The following SLC7A14 variants were observed in gnomAD, a reference collection of about 807,000 sequenced individuals.
SLC7A14 encodes gamma-aminobutyric acid transporter SLC7A14.
SLC7A14 carries 37 observed loss-of-function variants against 60.2 expected under a neutral mutation model. The observed-to-expected ratio is 0.61, with a 90% CI of 0.47 to 0.81. The LOEUF (loss-of-function observed/expected upper bound fraction) is 0.81, where lower values mean the gene tolerates loss of function less well. Ranked by LOEUF, SLC7A14 falls within the 30% of genes least tolerant of loss-of-function variation. SLC7A14 has a pLI of 0.00. For missense variants in SLC7A14, 886 were observed against 982.7 expected, an observed-to-expected ratio of 0.90 and a Z score of 1.32; for synonymous variants, 399 against 395.8, an observed-to-expected ratio of 1.01 and a Z score of -0.10.
At chr3:170,582,454 A>G (rs1715263203) in intron 1 of SLC7A14, among the ~76,000 whole-genome samples, 1 of 152,202 alleles carries the variant, frequency 6.6e-6, no homozygotes, top group African/African-American at 2.4e-5. Flanking sequence ...ATTAAAATTT[A>G]ATTATAAATA....
chr3:170,519,201 T>C (rs1417239355), intron 2 of SLC7A14, among the ~76,000 whole-genome samples: 2 of 152,174 alleles, frequency 1.3e-5, no homozygotes, highest in African/African-American at 4.8e-5. Context: ...GATCTTCCCA[T>C]CGTAAATTGG....
chr3:170,505,647 A>T (rs1712756939), intron 2 of SLC7A14, among the ~76,000 whole-genome samples: 1 of 152,150 alleles, frequency 6.6e-6, no homozygotes, highest in Non-Finnish European at 1.5e-5. Flanking sequence ...GAACTTTGGG[A>T]GGGCGAGGCG....
intron 1 of SLC7A14, among the ~76,000 whole-genome samples, chr3:170,543,518 G>A (rs945158184): frequency 2.6e-5 from 4 of 151,570 alleles, no homozygotes; most frequent in Non-Finnish European, 5.9e-5. Flanking sequence ...GAGTGGTGGC[G>A]CATGCTTGTA....
At chr3:170,515,776 T>C (rs1036781218) in intron 2 of SLC7A14, among the ~76,000 whole-genome samples, 3 of 152,214 alleles carry the variant, frequency 2.0e-5, no homozygotes, top group Non-Finnish European at 4.4e-5. Flanking sequence ...GTGAATGACT[T>C]GCCTGAGGGC....
chr3:170,561,410 T>G (rs1714645253), intron 1 of SLC7A14, among the ~76,000 whole-genome samples: 1 of 152,214 alleles, frequency 6.6e-6, no homozygotes, highest in Admixed American at 6.5e-5. Flanking sequence ...TAGGTCCTAC[T>G]GGGGTGTCAT....
chr3:170,553,289 C>T lies in SLC7A14; in HGVS notation c.-152-26201G>A, dbSNP rs535967277. ...TGAATCTTCAGTATTGCCATATGTT[C>T]TTACACCTTAGGAAACTAACTGTTC... On this transcript the variant is annotated intron_variant, in intron 1 of 7. Transcript: ENST00000231706. 3.9e-5 allele frequency among the ~76,000 whole-genome samples: 6 copies of T among 152,270 alleles called. No individual in the cohort carries two copies. The South Asian group carries it at 1.2e-3, about 32-fold the overall frequency.
intron 2 of SLC7A14, among the ~76,000 whole-genome samples, chr3:170,522,723 C>A (rs1713372081): frequency 6.6e-6 from 1 of 152,072 alleles, no homozygotes; most frequent in Admixed American, 6.6e-5. Context: ...TGTGGTGAAG[C>A]TTACACGATT....
At chr3:170,526,134 G>C (rs2108293350) in intron 2 of SLC7A14, among the ~76,000 whole-genome samples, 1 of 151,408 alleles carries the variant, frequency 6.6e-6, no homozygotes, top group South Asian at 2.1e-4. Flanking sequence ...AGGCGCGGTG[G>C]CTCATGCCTG....
chr3:170,546,422 C>T (rs994840303), intron 1 of SLC7A14, among the ~76,000 whole-genome samples: 2 of 152,140 alleles, frequency 1.3e-5, no homozygotes, highest in Non-Finnish European at 2.9e-5. Flanking sequence ...TGGTGATTGA[C>T]CCATGCCAGT....
rs1383847209 is a variant in SLC7A14 at position 170,480,501 on chromosome 3, C to G, written c.1781G>C (p.Ser594Thr). ...AACAACCAGAAGGATGGCCCACCAG[C>G]TCTGCTCTGAGATGTAGTCAGAACC... ...IFGSDYISEQ[S>T]WWAILLVVLM... is the part of the protein sequence containing the mutation. Residue 594 changes from serine (S) to threonine (T), a missense_variant, in exon 7 of 8, where the codon AGC (serine) becomes ACC (threonine). Ser to Thr is a moderately conservative substitution (Grantham distance 58). Coordinates refer to ENST00000231706, the MANE Select transcript of SLC7A14 (RefSeq NM_020949.3). 1 of 1,614,076 alleles carries G rather than the reference C, an allele frequency of 6.2e-7. No individual in the cohort carries two copies. The highest frequency in any genetic ancestry group is 8.5e-7 in the Non-Finnish European group (1 of 1,180,054).
rs575262400 is a variant in SLC7A14 at position 170,494,854 on chromosome 3, C to T, written c.759+3813G>A. 2.5e-4 allele frequency among the ~76,000 whole-genome samples: 38 copies of T among 152,312 alleles called. 1 individual carries two copies. The South Asian group carries it at 7.9e-3, about 32-fold the overall frequency. On this transcript the variant is annotated intron_variant, in intron 4 of 7. Transcript: ENST00000231706. ...ACATTTTAGATTTATTACCTTACTA[C>T]TTACTAAAGAAAACTCAGAGAGAAT...
chr3:170,579,834 A>G (rs1430764420), intron 1 of SLC7A14, among the ~76,000 whole-genome samples: 3 of 152,226 alleles, frequency 2.0e-5, no homozygotes, highest in Admixed American at 2.0e-4. Context: ...AGTGGAAAAG[A>G]ACACACAACT....
chr3:170,501,482 G>T, intron 2 of SLC7A14, 137 bp from the exon 3 acceptor site: 1 of 706,632 alleles, frequency 1.4e-6, no homozygotes, highest in African/African-American at 1.8e-5. Context: ...TATATGAATC[G>T]ATTCAGAGCC....
At chr3:170,524,230 T>A (rs1018376151) in intron 2 of SLC7A14, among the ~76,000 whole-genome samples, 7 of 152,200 alleles carry the variant, frequency 4.6e-5, no homozygotes, top group African/African-American at 1.7e-4. Context: ...CCATAGCTGA[T>A]GCCAAGTTAA....
chr3:170,564,360 A>G, intron 1 of SLC7A14, among the ~76,000 whole-genome samples: 1 of 152,228 alleles, frequency 6.6e-6, no homozygotes, highest in East Asian at 1.9e-4. Context: ...ATGCAGGACT[A>G]GAAAGCACAC....
rs924892277 is a variant in SLC7A14, at chr3:170,463,841, A to G, written c.*3214T>C. 6 of 152,252 alleles carry G rather than the reference A, an allele frequency of 3.9e-5. No individual in the cohort carries two copies. The highest frequency in any genetic ancestry group is 1.4e-4 in the African/African-American group (6 of 41,472). The allele number at this position is 152,252 out of a possible 1,614,324, so 9.4% of individuals were successfully genotyped here. On this transcript the variant is annotated 3_prime_UTR_variant, in exon 8 of 8. Coordinates refer to ENST00000231706, the MANE Select transcript of SLC7A14 (RefSeq NM_020949.3). ...CAATCATCAGGTATTTCTTGAATAC[A>G]CACTATATGCCAGGCACATGTAGCT... is the stretch of plus-strand genomic sequence containing the variant.
rs1249717824 is a variant in SLC7A14 at position 170,496,739 on chromosome 3, G to A, written c.759+1928C>T. On this transcript the variant is annotated intron_variant, in intron 4 of 7. Transcript: ENST00000231706. The stretch of plus-strand genomic sequence containing the variant: ...GGGGGCCTCACAAGCCCTGGCCTCA[G>A]CTATGGCCTAAGCTCCAGCTTTGGC... The A allele has an allele frequency of 5.2e-6, 4 of 768,622 alleles. No individual in the cohort carries two copies. In the East Asian group the frequency reaches 7.4e-5, roughly 14 times the overall value. The allele number at this position is 768,622 out of a possible 1,614,324, so 47.6% of individuals were successfully genotyped here.
At chr3:170,479,636 A>G (rs1329806433) in intron 7 of SLC7A14, among the ~76,000 whole-genome samples, 3 of 152,254 alleles carry the variant, frequency 2.0e-5, no homozygotes, top group Admixed American at 6.5e-5. Context: ...AGAGAAAATC[A>G]GTAAGGATGG....
chr3:170,474,537 AC>A (rs1345245016), intron 7 of SLC7A14, among the ~76,000 whole-genome samples: 1 of 152,142 alleles, frequency 6.6e-6, no homozygotes, highest in Non-Finnish European at 1.5e-5. Flanking sequence ...CACAATTTTG[AC>A]ATTGGAAGAG....
Sources: gnomAD v4.1 joint callset for allele counts (sites outside exome capture counted in the v4.1 genomes callset) on GRCh38, gnomAD v4.1.1 for gene constraint, MANE v1.5 for transcripts, NCBI Gene and HGNC (gene_info 2026-07-23, HGNC 2026-07-21) for gene names.